The following TAF4 variants were observed in gnomAD, a reference collection of about 807,000 sequenced individuals.
TAF4 encodes TATA-box binding protein associated factor 4.
In TAF4, 9 loss-of-function variants were observed where a neutral mutation model predicts 90.3. The observed-to-expected ratio is 0.10, with a 90% confidence interval of 0.06 to 0.17. The LOEUF is 0.17. TAF4 is among the 10% of genes least tolerant of loss of function. TAF4 has a pLI of 1.00. For missense variants in TAF4, 1,351 were observed against 1,370.7 expected (o/e 0.99, Z 0.23); for synonymous variants, 818 against 638.9 (o/e 1.28, Z -4.23).
At chr20:62,017,792 C>T (rs2055820641) in intron 1 of TAF4, among the ~76,000 whole-genome samples, 1 of 151,652 alleles carries the variant, frequency 6.6e-6, no homozygotes, top group Admixed American at 6.6e-5. Flanking sequence ...CGAGATTGCA[C>T]CACTGCACTC....
intron 1 of TAF4, among the ~76,000 whole-genome samples, chr20:62,043,391 G>A (rs1303130991): frequency 6.6e-6 from 1 of 152,200 alleles, no homozygotes; most frequent in Non-Finnish European, 1.5e-5. Flanking sequence ...CTACAAAAGA[G>A]TCAAAAAGTT....
At chr20:61,991,585 A>C (rs900069139) in intron 14 of TAF4, among the ~76,000 whole-genome samples, 1 of 152,002 alleles carries the variant, frequency 6.6e-6, no homozygotes, top group East Asian at 1.9e-4. Flanking sequence ...GGTGAGAGAG[A>C]CCCTGTCTCT....
intron 1 of TAF4, among the ~76,000 whole-genome samples, chr20:62,048,148 G>A (rs949973533): frequency 1.3e-5 from 2 of 152,214 alleles, no homozygotes; most frequent in African/African-American, 4.8e-5. Flanking sequence ...TCAATTCCCT[G>A]TGGCTGCGAC....
chr20:62,034,322 G>T lies in TAF4; in HGVS notation c.1361-19615C>A, dbSNP rs147293461. On this transcript the variant is annotated intron_variant, in intron 1 of 14. Coordinates refer to ENST00000252996, the MANE Select transcript of TAF4 (RefSeq NM_003185.4). ...CACTATCAAAGAAGAATTAGAAAAC[G>T]CAATTTTTTGTTTATTTTTAGACAA... 2.6e-5 allele frequency among the ~76,000 whole-genome samples: 4 copies of T among 152,134 alleles called. No individual in the cohort carries two copies. The East Asian group carries it at 7.7e-4, about 29-fold the overall frequency.
At chr20:62,053,735 T>C (rs955505710) in intron 1 of TAF4, among the ~76,000 whole-genome samples, 2 of 152,228 alleles carry the variant, frequency 1.3e-5, no homozygotes, top group African/African-American at 4.8e-5. Flanking sequence ...CTGCTGGCTG[T>C]CCACCCGTAT....
chr20:62,050,244 A>G (rs35198753), intron 1 of TAF4, among the ~76,000 whole-genome samples: 3,983 of 152,082 alleles, frequency 0.026, 73 homozygotes, highest in Middle Eastern at 0.092. Context: ...CACATGACCT[A>G]TCCTCGGCCT....
intron 1 of TAF4, among the ~76,000 whole-genome samples, chr20:62,050,155 C>A (rs1330117601): frequency 6.6e-6 from 1 of 152,186 alleles, no homozygotes; most frequent in Non-Finnish European, 1.5e-5. Context: ...ACACCCAGAG[C>A]CCCCAGAGGA....
At chr20:62,003,620 G>T in intron 8 of TAF4, 111 bp downstream of exon 8, 1 of 1,310,926 alleles carries the variant, frequency 7.6e-7, no homozygotes, top group African/African-American at 1.5e-5. Context: ...TACTTAAAAT[G>T]GCCAATTTTA....
intron 14 of TAF4, among the ~76,000 whole-genome samples, chr20:61,987,532 A>G (rs1014760785): frequency 6.6e-6 from 1 of 152,228 alleles, no homozygotes; most frequent in Non-Finnish European, 1.5e-5. Flanking sequence ...CAAGATGCAC[A>G]CACCTACTAG....
intron 1 of TAF4, among the ~76,000 whole-genome samples, chr20:62,043,616 C>T (rs1007735532): frequency 3.9e-5 from 6 of 152,262 alleles, no homozygotes; most frequent in Admixed American, 1.3e-4. Flanking sequence ...TACACAGATG[C>T]ACCATTTTTC....
intron 1 of TAF4, among the ~76,000 whole-genome samples, chr20:62,045,853 C>A (rs1325735831): frequency 1.3e-5 from 2 of 152,208 alleles, no homozygotes; most frequent in Non-Finnish European, 2.9e-5. Context: ...ACAGACAGGT[C>A]CCAAACACAC....
intron 1 of TAF4, among the ~76,000 whole-genome samples, chr20:62,024,162 C>A (rs944981453): frequency 1.3e-5 from 2 of 152,162 alleles, no homozygotes; most frequent in Non-Finnish European, 2.9e-5. Flanking sequence ...CACAAGCAGG[C>A]CCACACGCGG....
In TAF4 at chr20:62,031,244, G is replaced by T. The variant is rs1314571054; in HGVS notation, c.1361-16537C>A. Among the ~76,000 whole-genome samples the T allele has an allele frequency of 2.6e-5, 4 of 152,174 alleles. No homozygotes were observed. The East Asian group carries it at 7.7e-4, about 29-fold the overall frequency. ...TGGGTCCAAGGTCGGAACGTGGCCA[G>T]GCTGCTCCAGGCTGGGCGTCCAAGC... On this transcript the variant is annotated intron_variant, in intron 1 of 14. Coordinates refer to ENST00000252996, the MANE Select transcript of TAF4 (RefSeq NM_003185.4).
chr20:62,064,488 C>G lies in TAF4; in HGVS notation c.1323G>C (p.Gln441His). ...GGAAGTTCTGGATGTTGGTCGGGTT[C>G]TGAGGCGGCTGCGGCAAGCGGGGGG... Reference protein sequence around the residue: ...VLAPRLPQPPQNPTNIQNFQL... With the variant: ...VLAPRLPQPPHNPTNIQNFQL... Residue 441 changes from glutamine to histidine, a missense_variant, in exon 1 of 15, where the codon CAG becomes CAC. By Grantham distance (24) the Gln-to-His change is conservative. Around this residue, in one of 9 missense-constraint regions of TAF4, gnomAD observed 782 missense variants for 536.6 expected, o/e 1.46. Coordinates refer to ENST00000252996, the MANE Select transcript of TAF4 (RefSeq NM_003185.4). 2 of 1,514,426 alleles carry G rather than the reference C, an allele frequency of 1.3e-6. No individual in the cohort carries two copies. Among genetic ancestry groups the G allele is most frequent in the Admixed American group, 4.3e-5 (2 of 46,190 alleles). 93.8% of individuals were successfully genotyped at this position (1,514,426 alleles called of 1,614,324 possible).
Position 62,010,068 on chromosome 20 carries a change from G to C in TAF4, c.1739C>G (p.Thr580Ser), listed in dbSNP as rs764875820. The C allele has an allele frequency of 1.2e-6, 2 of 1,613,574 alleles. No homozygotes were observed. The highest frequency in any genetic ancestry group is 1.7e-6 in the Non-Finnish European group (2 of 1,179,990). Residue 580 changes from threonine (T) to serine (S), a missense_variant, in exon 4 of 15, where the codon ACC becomes AGC. This residue lies in a region of TAF4 where 44 missense variants were observed against 97.4 expected (regional missense o/e 0.45). Coordinates refer to ENST00000252996, the MANE Select transcript of TAF4 (RefSeq NM_003185.4). The surrounding 1 kb of genome is among the most constrained non-coding windows in gnomAD (Gnocchi z 4.5). ...GTPQRTVPGA[T>S]TTSSAATETM... ...TACCGTGGCAGCTGAGGAAGTGGTGGTCGCCCCTGGTACCGTGCGCTGAGG... is the reference window on the plus strand; with the variant it reads ...TACCGTGGCAGCTGAGGAAGTGGTGCTCGCCCCTGGTACCGTGCGCTGAGG...
intron 1 of TAF4, among the ~76,000 whole-genome samples, chr20:62,028,709 T>G (rs1338259328): frequency 6.6e-6 from 1 of 152,168 alleles, no homozygotes; most frequent in Admixed American, 6.5e-5. Flanking sequence ...AAAAAGCTCG[T>G]GAGCAGCCTT....
chr20:62,009,317 G>A, intron 4 of TAF4, 143 bp from the exon 5 acceptor site: 2 of 896,766 alleles, frequency 2.2e-6, no homozygotes, highest in Non-Finnish European at 3.2e-6. Context: ...ACCACCTCTT[G>A]GAACCCTGGG....
At chr20:62,009,893 C>T (rs756436017) in intron 4 of TAF4, among the ~76,000 whole-genome samples, 153 bp downstream of exon 4, 2 of 152,168 alleles carry the variant, frequency 1.3e-5, no homozygotes, top group African/African-American at 2.4e-5. Flanking sequence ...CAGAGCCCCA[C>T]GTGCTCACGT....
intron 1 of TAF4, among the ~76,000 whole-genome samples, chr20:62,053,738 A>G (rs1421716707): frequency 6.6e-6 from 1 of 152,122 alleles, no homozygotes; most frequent in African/African-American, 2.4e-5. Flanking sequence ...CTGGCTGTCC[A>G]CCCGTATCCC....
Sources: allele counts gnomAD v4.1 joint callset (sites outside exome capture counted in the v4.1 genomes callset), GRCh38; gene constraint gnomAD v4.1.1; regional missense constraint gnomAD v4.1.1; non-coding constraint Gnocchi (gnomAD v3.1); transcripts MANE v1.5; gene names NCBI Gene and HGNC (gene_info 2026-07-23, HGNC 2026-07-21).